MLLT1: variants seen among roughly 807,000 people sequenced by gnomAD.
MLLT1 encodes the protein protein ENL.
A neutral mutation model predicts 55.1 loss-of-function variants in MLLT1; 11 were observed. That is an observed-to-expected ratio of 0.20 (90% CI 0.13 to 0.33). MLLT1 has a LOEUF of 0.33. MLLT1 is among the 10% of genes least tolerant of loss of function. The pLI is 1.00. For missense variants in MLLT1, 536 were observed against 760.6 expected (o/e 0.70, Z 3.47); for synonymous variants, 323 against 320.1 (o/e 1.01, Z -0.10).
At chr19:6,265,038 C>CAAAAAAAAAAAAAAAAAAAAAAAAAAAAA (rs928827048) in intron 2 of MLLT1, among the ~76,000 whole-genome samples, 1 of 21,206 alleles carries the variant, frequency 4.7e-5, no homozygotes, top group Non-Finnish European at 1.1e-4. Flanking sequence ...TAGTGAACAG[C>CAAAAAAAAAAAAAAAAAAAAAAAAAAAAA]AAAAAAAAAA....
In MLLT1 at chr19:6,229,131, G is replaced by A. The variant is rs575599286; in HGVS notation, c.420+1439C>T. Among the ~76,000 whole-genome samples the A allele has an allele frequency of 6.6e-6, 1 of 152,276 alleles. No individual in the cohort carries two copies. Among genetic ancestry groups the A allele is most frequent in the South Asian group, 2.1e-4 (1 of 4,828 alleles). On this transcript the variant is annotated intron_variant, in intron 4 of 11. Transcript: ENST00000252674. This position sits in a 1 kb window ranked among gnomAD's most constrained non-coding sequence, Gnocchi z 5.2. ...AGCCACGCCACCACGGAACCTCCGG[G>A]GACGCCCAAAAACACCTACTGCAAA...
chr19:6,278,166 A>AT (rs986823391), intron 1 of MLLT1, among the ~76,000 whole-genome samples: 156 of 152,190 alleles, frequency 1.0e-3, no homozygotes, highest in African/African-American at 3.6e-3. Context: ...AACGGCGGAG[A>AT]TTTTGGCTGC....
At position 6,262,172 on chromosome 19, in the gene MLLT1, C is replaced by G; in HGVS notation, c.276+56G>C. 1 of 1,430,782 alleles carries G rather than the reference C, an allele frequency of 7.0e-7. No individual in the cohort carries two copies. Among genetic ancestry groups the G allele is most frequent in the Non-Finnish European group, 9.9e-7 (1 of 1,014,910 alleles). The allele number at this position is 1,430,782 out of a possible 1,614,324, so 88.6% of individuals were successfully genotyped here. ...CCTGTTTTGTGAACTGCCGTGGCAC[C>G]CGGAGCAGGGGTCCCCACAGAGAGG... On this transcript the variant is annotated intron_variant, in intron 3 of 11. Transcript: ENST00000252674. This position sits in a 1 kb window ranked among gnomAD's most constrained non-coding sequence, Gnocchi z 4.4.
chr19:6,221,713 T>C (rs1052684465), intron 6 of MLLT1, among the ~76,000 whole-genome samples: 8 of 152,198 alleles, frequency 5.3e-5, no homozygotes, highest in Admixed American at 6.5e-5. Flanking sequence ...AGATGCCCTA[T>C]TGGCAGAGCT....
At chr19:6,237,421 TC>T (rs992155250) in intron 3 of MLLT1, among the ~76,000 whole-genome samples, 5 of 151,924 alleles carry the variant, frequency 3.3e-5, no homozygotes, top group Non-Finnish European at 5.9e-5. Context: ...TGCTCAGCAT[TC>T]CCCTCTGAGG....
intron 3 of MLLT1, among the ~76,000 whole-genome samples, chr19:6,254,196 C>T (rs1479382938): frequency 6.6e-6 from 1 of 152,166 alleles, no homozygotes; most frequent in African/African-American, 2.4e-5. Flanking sequence ...ATGGTTTAAT[C>T]AATCATGCCC....
rs2091410934 is a variant in MLLT1, at chr19:6,273,610, C to T, written c.13-2851G>A. Among the ~76,000 whole-genome samples, 2 of 152,232 alleles carry T rather than the reference C, an allele frequency of 1.3e-5. No homozygotes were observed. Among genetic ancestry groups the T allele is most frequent in the Non-Finnish European group, 2.9e-5 (2 of 68,042 alleles). On this transcript the variant is annotated intron_variant, in intron 1 of 11. Coordinates refer to ENST00000252674, the MANE Select transcript of MLLT1 (RefSeq NM_005934.4). This position sits in a 1 kb window ranked among gnomAD's most constrained non-coding sequence, Gnocchi z 4.3. ...AGCCCCGAGCGGCCATGACCACCCT[C>T]TATGCTTACACGCCTGCGCCTCTGC...
At chr19:6,239,932 CTT>C (rs879905529) in intron 3 of MLLT1, among the ~76,000 whole-genome samples, 1 of 146,820 alleles carries the variant, frequency 6.8e-6, no homozygotes, top group Admixed American at 6.8e-5. Flanking sequence ...AAAAGAAAAA[CTT>C]TTTTTTTTTT....
At chr19:6,236,332 G>C (rs1046287555) in intron 3 of MLLT1, among the ~76,000 whole-genome samples, 3 of 152,170 alleles carry the variant, frequency 2.0e-5, no homozygotes, top group Admixed American at 1.3e-4. Flanking sequence ...GGGGTTCCTG[G>C]TGTCCCCCCG....
intron 3 of MLLT1, among the ~76,000 whole-genome samples, chr19:6,257,029 C>T (rs1175671484): frequency 6.6e-6 from 1 of 152,176 alleles, no homozygotes; most frequent in East Asian, 1.9e-4. Flanking sequence ...TGAAAGTTCA[C>T]TCGAAAATGG....
Position 6,213,192 on chromosome 19 carries a change from C to A in MLLT1, c.1552-22G>T, listed in dbSNP as rs757989220. On this transcript the variant is annotated intron_variant, in intron 11 of 11. Coordinates refer to ENST00000252674, the MANE Select transcript of MLLT1 (RefSeq NM_005934.4). ...CAATCTGTAAGGTGGTGGCAGGTGG[C>A]TTCAGGGGCAGGGGGCCAAGGGTGG... is the stretch of plus-strand genomic sequence containing the variant. 11 of 1,613,648 alleles carry A rather than the reference C, an allele frequency of 6.8e-6. No individual in the cohort carries two copies. The African/African-American group carries it at 1.5e-4, about 22-fold the overall frequency.
In MLLT1 at chr19:6,226,908, C is replaced by G. The variant is rs1379818080; in HGVS notation, c.546+69G>C. 7.2e-7 allele frequency: 1 copy of G among 1,379,900 alleles called. No individual in the cohort carries two copies. The highest frequency in any genetic ancestry group is 9.5e-7 in the Non-Finnish European group (1 of 1,053,400). The allele number at this position is 1,379,900 out of a possible 1,614,324, so 85.5% of individuals were successfully genotyped here. A position where few individuals can be genotyped will look rare whatever the true frequency, so the allele number is the denominator to read the frequency against. On this transcript the variant is annotated intron_variant, in intron 5 of 11. Coordinates refer to ENST00000252674, the MANE Select transcript of MLLT1 (RefSeq NM_005934.4). The surrounding 1 kb of genome is among the most constrained non-coding windows in gnomAD (Gnocchi z 6.3). ...AAGGCCCAGCCCAGTGGAGGGAGGG[C>G]GCCGGGGCCAGACCCACCACAGCTG...
chr19:6,265,071 A>AAAAAAAT (rs2091338436), intron 2 of MLLT1, among the ~76,000 whole-genome samples: 1 of 147,928 alleles, frequency 6.8e-6, no homozygotes, highest in African/African-American at 2.5e-5. Context: ...AAAACAAAAA[A>AAAAAAAT]AAACATGATG....
Position 6,212,865 on chromosome 19 carries a change from T to C in MLLT1, c.*177A>G. 2.1e-6 allele frequency: 2 copies of C among 965,138 alleles called. No homozygotes were observed. Among genetic ancestry groups the C allele is most frequent in the Non-Finnish European group, 1.5e-6 (1 of 689,286 alleles). 59.8% of individuals were successfully genotyped at this position (965,138 alleles called of 1,614,324 possible). The stretch of plus-strand genomic sequence containing the variant: ...AGCCCGGCCCCAGGGCTCCTGGCGA[T>C]GGAGCGGGGAGAGTGGGCAGGGAGC... On this transcript the variant is annotated 3_prime_UTR_variant, in exon 12 of 12. Coordinates refer to ENST00000252674, the MANE Select transcript of MLLT1 (RefSeq NM_005934.4).
rs1414729086 is a variant in MLLT1, at chr19:6,273,910, G to A, written c.13-3151C>T. On this transcript the variant is annotated intron_variant, in intron 1 of 11. Coordinates refer to ENST00000252674, the MANE Select transcript of MLLT1 (RefSeq NM_005934.4). This position sits in a 1 kb window ranked among gnomAD's most constrained non-coding sequence, Gnocchi z 4.3. Reference sequence around the variant, plus strand: ...GGCAGAGCAGTTATTGTGAAAGAGTGAAAGACCGCGGTTCCACTGGAGAGG... The same window carrying A: ...GGCAGAGCAGTTATTGTGAAAGAGTAAAAGACCGCGGTTCCACTGGAGAGG... 6.6e-6 allele frequency among the ~76,000 whole-genome samples: 1 copy of A among 152,222 alleles called. No individual in the cohort carries two copies. Among genetic ancestry groups the A allele is most frequent in the Non-Finnish European group, 1.5e-5 (1 of 68,048 alleles).
intron 1 of MLLT1, among the ~76,000 whole-genome samples, chr19:6,279,434 G>A (rs375225358): frequency 1.1e-4 from 16 of 152,142 alleles, no homozygotes; most frequent in East Asian, 3.9e-4. Flanking sequence ...TCCCTAAGCC[G>A]GGCTGGGGTC....
In MLLT1 at chr19:6,227,287, C is replaced by G. The variant is rs1600181039; in HGVS notation, c.421-185G>C. On this transcript the variant is annotated intron_variant, in intron 4 of 11. Coordinates refer to ENST00000252674, the MANE Select transcript of MLLT1 (RefSeq NM_005934.4). The surrounding 1 kb of genome is among the most constrained non-coding windows in gnomAD (Gnocchi z 5.1). Reference sequence around the variant, plus strand: ...GTGCTGAGCACGCAGAAGAAGCAGGCATGGGTGGGGAGCGAAGAAAAGCCC... The same window carrying G: ...GTGCTGAGCACGCAGAAGAAGCAGGGATGGGTGGGGAGCGAAGAAAAGCCC... Among the ~76,000 whole-genome samples the G allele has an allele frequency of 6.6e-6, 1 of 152,262 alleles. No homozygotes were observed. Among genetic ancestry groups the G allele is most frequent in the Middle Eastern group, 3.4e-3 (1 of 294 alleles).
intron 3 of MLLT1, among the ~76,000 whole-genome samples, chr19:6,234,191 A>G (rs1417729818): frequency 1.3e-5 from 2 of 152,244 alleles, no homozygotes; most frequent in Non-Finnish European, 2.9e-5. Context: ...CACAGGAAAC[A>G]GTGGCATGGA....
chr19:6,241,299 G>A (rs182086978), intron 3 of MLLT1, among the ~76,000 whole-genome samples: 2 of 152,374 alleles, frequency 1.3e-5, no homozygotes, highest in African/African-American at 4.8e-5. Context: ...AGTCCAGCTG[G>A]AGGCAGGGTC....
Sources: allele counts gnomAD v4.1 joint callset (sites outside exome capture counted in the v4.1 genomes callset), GRCh38; gene constraint gnomAD v4.1.1; non-coding constraint Gnocchi (gnomAD v3.1); transcripts MANE v1.5; gene names NCBI Gene and HGNC (gene_info 2026-07-23, HGNC 2026-07-21).